VAV3: variants seen among roughly 807,000 people sequenced by gnomAD.
The protein encoded by VAV3 is vav guanine nucleotide exchange factor 3.
Under a neutral mutation model 131.2 loss-of-function variants are expected in VAV3, and 94 were observed. That is an observed-to-expected ratio of 0.72 (90% CI 0.61 to 0.85). VAV3 has a LOEUF of 0.85. VAV3 is among the 40% of genes least tolerant of loss of function. VAV3 has a pLI of 0.00. For missense variants in VAV3, 939 were observed against 1,002.7 expected (o/e 0.94, Z 0.86); for synonymous variants, 349 against 342.0 (o/e 1.02, Z -0.22).
chr1:107,745,552 G>A (rs1029637176), intron 15 of VAV3, among the ~76,000 whole-genome samples: 16 of 152,276 alleles, frequency 1.1e-4, no homozygotes, highest in East Asian at 5.8e-4. Context: ...ACATGACTGC[G>A]AGAGACAGAG....
intron 15 of VAV3, among the ~76,000 whole-genome samples, chr1:107,706,162 C>T (rs779358112): frequency 1.6e-4 from 25 of 152,044 alleles, no homozygotes; most frequent in Admixed American, 3.3e-4. Context: ...CGAGACGTTA[C>T]ACGCAATTTG....
chr1:107,606,291 T>C (rs578097533), intron 22 of VAV3, among the ~76,000 whole-genome samples: 212 of 152,346 alleles, frequency 1.4e-3, no homozygotes, highest in African/African-American at 4.9e-3. Context: ...CATTGATTCA[T>C]TGTCTTCTAA....
chr1:107,888,502 A>C (rs1167187128), intron 1 of VAV3, among the ~76,000 whole-genome samples: 4 of 152,170 alleles, frequency 2.6e-5, no homozygotes, highest in Non-Finnish European at 5.9e-5. Context: ...CTTGCTGCGC[A>C]GGCTGGAGTA....
At chr1:107,736,286 G>T (rs2101994337) in intron 15 of VAV3, among the ~76,000 whole-genome samples, 1 of 152,220 alleles carries the variant, frequency 6.6e-6, no homozygotes, top group Admixed American at 6.5e-5. Flanking sequence ...CATTCCCTTT[G>T]AAAACTGGCA....
intron 15 of VAV3, among the ~76,000 whole-genome samples, chr1:107,730,425 G>A (rs938101715): frequency 1.3e-5 from 2 of 152,126 alleles, no homozygotes; most frequent in Non-Finnish European, 2.9e-5. Context: ...CTTAAACTCT[G>A]AGACTAAAAT....
At chr1:107,841,292 G>C (rs200571938) in intron 2 of VAV3, among the ~76,000 whole-genome samples, 3 of 152,038 alleles carry the variant, frequency 2.0e-5, no homozygotes, top group South Asian at 2.1e-4. Context: ...AGGGGAAAGG[G>C]GGGGGTAGAA....
intron 20 of VAV3, among the ~76,000 whole-genome samples, chr1:107,636,974 G>T (rs543764644): frequency 6.6e-6 from 1 of 152,034 alleles, no homozygotes; most frequent in East Asian, 1.9e-4. Context: ...AGAATAGAAA[G>T]AAAGTAATAA....
At chr1:107,681,268 G>A (rs1478289466) in intron 19 of VAV3, among the ~76,000 whole-genome samples, 1 of 152,080 alleles carries the variant, frequency 6.6e-6, no homozygotes, top group Non-Finnish European at 1.5e-5. Flanking sequence ...GAACTTCCAT[G>A]GTAGAAATAC....
At chr1:107,817,380 G>C (rs983049049) in intron 2 of VAV3, among the ~76,000 whole-genome samples, 2 of 151,980 alleles carry the variant, frequency 1.3e-5, no homozygotes, top group African/African-American at 4.8e-5. Context: ...TGGGTAACAG[G>C]GAATCATCAA....
Position 107,879,994 on chromosome 1 carries a change from T to G in VAV3, c.205-4977A>C, listed in dbSNP as rs1670689408. On this transcript the variant is annotated intron_variant, in intron 1 of 26. Coordinates refer to ENST00000370056, the MANE Select transcript of VAV3 (RefSeq NM_006113.5). ...ATTGGGTAGTGATTTATTAATATATTAAACAAATGTTAACTGAATAAAAAT... is the reference window on the plus strand; with the variant it reads ...ATTGGGTAGTGATTTATTAATATATGAAACAAATGTTAACTGAATAAAAAT... Among the ~76,000 whole-genome samples the G allele has an allele frequency of 2.0e-5, 3 of 152,148 alleles. No homozygotes were observed. In the South Asian group the frequency reaches 6.2e-4, roughly 32 times the overall value.
chr1:107,768,150 C>T (rs775246509), intron 7 of VAV3, among the ~76,000 whole-genome samples: 4 of 151,966 alleles, frequency 2.6e-5, no homozygotes, highest in Non-Finnish European at 5.9e-5. Context: ...AAGTGGATCC[C>T]CAGATTATTT....
chr1:107,658,415 G>C (rs1033133299), intron 19 of VAV3, among the ~76,000 whole-genome samples: 4 of 152,308 alleles, frequency 2.6e-5, no homozygotes, highest in African/African-American at 7.2e-5. Flanking sequence ...ACATACGTGT[G>C]CATGTGTCTT....
At chr1:107,728,285 T>C (rs1030498705) in intron 15 of VAV3, among the ~76,000 whole-genome samples, 1 of 152,072 alleles carries the variant, frequency 6.6e-6, no homozygotes, top group Non-Finnish European at 1.5e-5. Flanking sequence ...CTGTTCTAAA[T>C]GAAGAGGAAT....
intron 19 of VAV3, among the ~76,000 whole-genome samples, chr1:107,658,025 C>T (rs1295734927): frequency 6.6e-6 from 1 of 152,110 alleles, no homozygotes; most frequent in African/African-American, 2.4e-5. Context: ...TCAATAAATG[C>T]CATTTTGCCT....
chr1:107,835,045 C>T (rs1571017991), intron 2 of VAV3, among the ~76,000 whole-genome samples: 1 of 152,156 alleles, frequency 6.6e-6, no homozygotes, highest in Non-Finnish European at 1.5e-5. Context: ...AAGCACCCAT[C>T]ATTCAAGGCT....
intron 25 of VAV3, among the ~76,000 whole-genome samples, chr1:107,579,426 ATGTTTCCCCCC>A (rs1649877508): frequency 6.6e-6 from 1 of 152,150 alleles, no homozygotes; most frequent in Non-Finnish European, 1.5e-5. Flanking sequence ...TCAAAGTCCC[ATGTTTCCCCCC>A]TGCAAGAACT....
intron 2 of VAV3, among the ~76,000 whole-genome samples, chr1:107,865,906 G>T (rs1452946681): frequency 6.6e-6 from 1 of 152,122 alleles, no homozygotes; most frequent in Non-Finnish European, 1.5e-5. Context: ...GCAATTTCCT[G>T]GGAGTACACA....
chr1:107,822,787 T>C (rs1260990306), intron 2 of VAV3, among the ~76,000 whole-genome samples: 1 of 152,180 alleles, frequency 6.6e-6, no homozygotes, highest in African/African-American at 2.4e-5. Context: ...ACTAAAATAG[T>C]AGCAAAAGAG....
chr1:107,746,896 T>C (rs988927579), intron 15 of VAV3, among the ~76,000 whole-genome samples: 1 of 140,020 alleles, frequency 7.1e-6, no homozygotes. Flanking sequence ...TTTTTTTTTT[T>C]CAAGACGGAG....
Sources: allele counts gnomAD v4.1 joint callset (sites outside exome capture counted in the v4.1 genomes callset), GRCh38; gene constraint gnomAD v4.1.1; transcripts MANE v1.5; gene names NCBI Gene and HGNC (gene_info 2026-07-23, HGNC 2026-07-21).